Variants in MKX observed in about 807,000 individuals in gnomAD.
The protein encoded by MKX is mohawk homeobox.
Under a neutral mutation model 36.0 loss-of-function variants are expected in MKX, and 13 were observed. That is an observed-to-expected ratio of 0.36 (90% CI 0.24 to 0.57). MKX has a LOEUF of 0.57. MKX is among the 20% of genes least tolerant of loss of function. MKX has a pLI of 0.79. For synonymous variants in MKX, 176 were observed against 178.3 expected (o/e 0.99, Z 0.10); for missense variants, 458 against 456.4 (o/e 1.00, Z -0.03).
At chr10:27,702,276 G>A (rs1290833270) in intron 5 of MKX, among the ~76,000 whole-genome samples, 1 of 152,148 alleles carries the variant, frequency 6.6e-6, no homozygotes, top group Non-Finnish European at 1.5e-5. Context: ...AGAGAGAGCT[G>A]TCTAAATACG....
chr10:27,691,267 G>A lies in MKX; in HGVS notation c.839-15713C>T, dbSNP rs528697806. Among the ~76,000 whole-genome samples, 27 of 152,294 alleles carry A rather than the reference G, an allele frequency of 1.8e-4. No individual in the cohort carries two copies. The South Asian group carries it at 2.9e-3, about 16-fold the overall frequency. ...TCCTGGATCCCATCTCTGAGATTGTGTTCAGGTAGGTAATAGCTATGGCAC... is the reference window on the plus strand; with the variant it reads ...TCCTGGATCCCATCTCTGAGATTGTATTCAGGTAGGTAATAGCTATGGCAC... On this transcript the variant is annotated intron_variant, in intron 5 of 6. Coordinates refer to ENST00000419761, the MANE Select transcript of MKX (RefSeq NM_173576.3).
chr10:27,697,874 T>C (rs183414518), intron 5 of MKX, among the ~76,000 whole-genome samples: 159 of 152,238 alleles, frequency 1.0e-3, no homozygotes, highest in African/African-American at 3.6e-3. Flanking sequence ...AAAATTGCTC[T>C]AAAGAAGATG....
At chr10:27,705,114 T>G (rs1026259944) in intron 5 of MKX, among the ~76,000 whole-genome samples, 2 of 152,066 alleles carry the variant, frequency 1.3e-5, no homozygotes, top group Non-Finnish European at 2.9e-5. Flanking sequence ...ATCAGATGGA[T>G]AAAATAATTA....
chr10:27,689,220 C>T (rs1030474266), intron 5 of MKX, among the ~76,000 whole-genome samples: 10 of 152,274 alleles, frequency 6.6e-5, no homozygotes, highest in Admixed American at 6.5e-5. Flanking sequence ...AGAGAGGTGA[C>T]GCTCACAAAC....
At chr10:27,700,621 T>A (rs571794355) in intron 5 of MKX, among the ~76,000 whole-genome samples, 15 of 152,176 alleles carry the variant, frequency 9.9e-5, no homozygotes, top group Non-Finnish European at 1.6e-4. Context: ...TAACAAAAGA[T>A]AGACATACTT....
intron 5 of MKX, 85 bp from the exon 6 acceptor site, chr10:27,675,639 G>T: frequency 7.7e-7 from 1 of 1,304,956 alleles, no homozygotes; most frequent in Non-Finnish European, 1.1e-6. Flanking sequence ...ATGACCAGAA[G>T]TAAAAGTTCT....
At chr10:27,707,489 A>G (rs1484050276) in intron 5 of MKX, among the ~76,000 whole-genome samples, 1 of 152,204 alleles carries the variant, frequency 6.6e-6, no homozygotes, top group Admixed American at 6.5e-5. Flanking sequence ...TCTTAAAGAA[A>G]TCAGGTCTGT....
At chr10:27,732,397 A>G (rs1834651495) in intron 5 of MKX, among the ~76,000 whole-genome samples, 1 of 152,188 alleles carries the variant, frequency 6.6e-6, no homozygotes, top group African/African-American at 2.4e-5. Context: ...AATTTATTTA[A>G]ATACACATTT....
chr10:27,726,782 AG>A (rs1458597469), intron 5 of MKX, among the ~76,000 whole-genome samples: 1 of 150,184 alleles, frequency 6.7e-6, no homozygotes, highest in Admixed American at 6.7e-5. Context: ...AAACTTATTC[AG>A]GACCCTTCCT....
chr10:27,719,925 G>A (rs942669314), intron 5 of MKX, among the ~76,000 whole-genome samples: 2 of 150,564 alleles, frequency 1.3e-5, no homozygotes, highest in African/African-American at 4.9e-5. Flanking sequence ...GGAGTTTGAG[G>A]CTGATGTGAG....
At chr10:27,723,429 A>G (rs1293820705) in intron 5 of MKX, among the ~76,000 whole-genome samples, 1 of 152,214 alleles carries the variant, frequency 6.6e-6, no homozygotes, top group Non-Finnish European at 1.5e-5. Flanking sequence ...AAATATGGCA[A>G]GATCAGATGC....
chr10:27,678,439 G>T (rs12242657), intron 5 of MKX, among the ~76,000 whole-genome samples: 1 of 152,132 alleles, frequency 6.6e-6, no homozygotes, highest in South Asian at 2.1e-4. Flanking sequence ...CTTAAATAAC[G>T]TTAGGGAAAT....
chr10:27,723,974 C>T (rs1296876006), intron 5 of MKX, among the ~76,000 whole-genome samples: 1 of 152,142 alleles, frequency 6.6e-6, no homozygotes, highest in Non-Finnish European at 1.5e-5. Flanking sequence ...TTGGAAATAT[C>T]ACTTTATGAA....
At chr10:27,702,297 G>T (rs1283483716) in intron 5 of MKX, among the ~76,000 whole-genome samples, 1 of 152,162 alleles carries the variant, frequency 6.6e-6, no homozygotes, top group Non-Finnish European at 1.5e-5. Flanking sequence ...AAGGTTAGTG[G>T]TATTAGGAGA....
chr10:27,742,802 G>A lies in MKX; in HGVS notation c.188+426C>T, dbSNP rs1420349616. Reference sequence around the variant, plus strand: ...CGGGGCTCTGGCGAGGGGCTCGAGTGACCGAAGAGAAGTCCGCGGAGCCTG... The same window carrying A: ...CGGGGCTCTGGCGAGGGGCTCGAGTAACCGAAGAGAAGTCCGCGGAGCCTG... On this transcript the variant is annotated intron_variant, in intron 2 of 6. Transcript: ENST00000419761. The surrounding 1 kb of genome is among the most constrained non-coding windows in gnomAD (Gnocchi z 4.2). 2.0e-5 allele frequency among the ~76,000 whole-genome samples: 3 copies of A among 152,114 alleles called. No homozygotes were observed. Among genetic ancestry groups the A allele is most frequent in the South Asian group, 4.1e-4 (2 of 4,838 alleles).
In MKX at chr10:27,675,062, A is replaced by G. The variant is rs372705743; in HGVS notation, c.*167T>C. 12 of 542,380 alleles carry G rather than the reference A, an allele frequency of 2.2e-5. No individual in the cohort carries two copies. Among genetic ancestry groups the G allele is most frequent in the Admixed American group, 7.4e-5 (2 of 27,134 alleles). 33.6% of individuals were successfully genotyped at this position (542,380 alleles called of 1,614,324 possible). ...TATTTTTGATTAAAATGAGTTTTTT[A>G]TAATTTATATGTCTTTTATAGAAGC... On this transcript the variant is annotated 3_prime_UTR_variant, in exon 7 of 7. Transcript: ENST00000419761.
intron 5 of MKX, among the ~76,000 whole-genome samples, chr10:27,712,514 G>A (rs1404092029): frequency 6.6e-6 from 1 of 152,148 alleles, no homozygotes; most frequent in Non-Finnish European, 1.5e-5. Flanking sequence ...AAAGGAAAAG[G>A]TGGGAGGGGG....
intron 5 of MKX, among the ~76,000 whole-genome samples, chr10:27,733,638 T>C (rs939666389): frequency 1.3e-5 from 2 of 152,208 alleles, no homozygotes; most frequent in African/African-American, 4.8e-5. Flanking sequence ...CTAAATCTCA[T>C]TTGCTGACAT....
At chr10:27,730,561 G>T (rs759964290) in intron 5 of MKX, among the ~76,000 whole-genome samples, 2 of 151,050 alleles carry the variant, frequency 1.3e-5, no homozygotes, top group Non-Finnish European at 2.9e-5. Flanking sequence ...GGGTTCAAGC[G>T]ATTCTCGTAC....
Sources: gnomAD v4.1 joint callset for allele counts (sites outside exome capture counted in the v4.1 genomes callset) on GRCh38, gnomAD v4.1.1 for gene constraint, Gnocchi (gnomAD v3.1) non-coding constraint, MANE v1.5 for transcripts, NCBI Gene and HGNC (gene_info 2026-07-23, HGNC 2026-07-21) for gene names.